The following SGCZ variants were observed in gnomAD, a reference collection of about 807,000 sequenced individuals.
SGCZ encodes zeta-sarcoglycan.
SGCZ carries 40 observed loss-of-function variants against 41.3 expected under a neutral mutation model. The ratio of observed to expected loss-of-function variants is 0.97; its 90% CI spans 0.75 to 1.26. The LOEUF is 1.26. SGCZ is among the 50% of genes most tolerant of loss of function. The pLI is 0.00. For synonymous variants in SGCZ, 206 were observed against 137.5 expected (o/e 1.50, Z -3.49); for missense variants, 552 against 369.8 (o/e 1.49, Z -4.04).
chr8:14,952,491 G>A (rs889570108), intron 1 of SGCZ, among the ~76,000 whole-genome samples: 1 of 152,050 alleles, frequency 6.6e-6, no homozygotes, highest in Admixed American at 6.6e-5. Flanking sequence ...CCATCACTAG[G>A]GAGGCATCAT....
At chr8:15,178,029 G>C (rs1307241127) in intron 1 of SGCZ, among the ~76,000 whole-genome samples, 1 of 152,026 alleles carries the variant, frequency 6.6e-6, no homozygotes, top group Non-Finnish European at 1.5e-5. Context: ...CCCATGCTTG[G>C]GGCCTAGCCT....
chr8:14,648,232 A>G (rs1046598184), intron 1 of SGCZ, among the ~76,000 whole-genome samples: 1 of 152,158 alleles, frequency 6.6e-6, no homozygotes, highest in Non-Finnish European at 1.5e-5. Context: ...TAAAACAGAT[A>G]GGGTTAGTAC....
intron 2 of SGCZ, among the ~76,000 whole-genome samples, chr8:14,458,919 T>G (rs763505564): frequency 2.0e-5 from 3 of 152,120 alleles, no homozygotes; most frequent in Non-Finnish European, 2.9e-5. Context: ...TAGGAAAATA[T>G]GAGATGAGCC....
At chr8:14,734,811 A>G (rs1419702650) in intron 1 of SGCZ, among the ~76,000 whole-genome samples, 1 of 150,444 alleles carries the variant, frequency 6.6e-6, no homozygotes, top group Non-Finnish European at 1.5e-5. Context: ...CTTCACTGTT[A>G]CAATAAAAAT....
Position 14,142,181 on chromosome 8 carries a change from G to T in SGCZ, c.547+22399C>A, listed in dbSNP as rs529041360. ...AGGGCCTGTCGAGGGGTGGAGGCAT[G>T]GGGGAGGGATAGCACTGGGAGAAGT... On this transcript the variant is annotated intron_variant, in intron 5 of 7. Transcript: ENST00000382080. Among the ~76,000 whole-genome samples, 9 of 152,290 alleles carry T rather than the reference G, an allele frequency of 5.9e-5. No homozygotes were observed. The South Asian group carries it at 1.9e-3, about 32-fold the overall frequency.
chr8:14,432,907 G>C (rs1203621413), intron 2 of SGCZ, among the ~76,000 whole-genome samples: 6 of 93,720 alleles, frequency 6.4e-5, no homozygotes, highest in African/African-American at 1.4e-4. Flanking sequence ...GAGTGAGACT[G>C]TGTCTCCAAA....
rs539730972 is a variant in SGCZ, at chr8:14,303,461, C to T, written c.336+20642G>A. On this transcript the variant is annotated intron_variant, in intron 3 of 7. Transcript: ENST00000382080. ...TGTACTATACACACATACCAACACA[C>T]AAGAGTTAGATGTTCATAGACTAGA... 5.3e-5 allele frequency among the ~76,000 whole-genome samples: 8 copies of T among 152,220 alleles called. No individual in the cohort carries two copies. In the South Asian group the frequency reaches 1.4e-3, roughly 28 times the overall value.
At chr8:14,787,474 T>G (rs1800804364) in intron 1 of SGCZ, among the ~76,000 whole-genome samples, 1 of 152,076 alleles carries the variant, frequency 6.6e-6, no homozygotes, top group East Asian at 1.9e-4. Flanking sequence ...GTTGTAAACT[T>G]TACAAAGTGC....
In SGCZ at chr8:15,038,676, G is replaced by C. The variant is rs921461568; in HGVS notation, c.39+198909C>G. 5.8e-4 allele frequency among the ~76,000 whole-genome samples: 88 copies of C among 151,814 alleles called. 2 individuals carry two copies. Among genetic ancestry groups the C allele is most frequent in the Non-Finnish European group, 1.8e-4 (12 of 67,936 alleles). ...ACGAACACAGTGATAAGACAACCCA[G>C]AGAATGGTAAGAAAAAATTGTAAAT... is the stretch of plus-strand genomic sequence containing the variant. On this transcript the variant is annotated intron_variant, in intron 1 of 7. Coordinates refer to ENST00000382080, the MANE Select transcript of SGCZ (RefSeq NM_139167.4).
intron 1 of SGCZ, among the ~76,000 whole-genome samples, chr8:15,007,536 A>G (rs1802649635): frequency 6.6e-6 from 1 of 152,226 alleles, no homozygotes; most frequent in South Asian, 2.1e-4. Flanking sequence ...ATTGACTGAC[A>G]GCGTAACTCA....
intron 2 of SGCZ, among the ~76,000 whole-genome samples, chr8:14,429,449 G>C (rs1799881480): frequency 6.6e-6 from 1 of 152,146 alleles, no homozygotes; most frequent in Non-Finnish European, 1.5e-5. Context: ...CCAGCAGCAA[G>C]GCTGGGGCAG....
intron 2 of SGCZ, among the ~76,000 whole-genome samples, chr8:14,392,589 T>C (rs1414571076): frequency 6.6e-6 from 1 of 152,180 alleles, no homozygotes; most frequent in African/African-American, 2.4e-5. Flanking sequence ...AGTCCTGCTT[T>C]GCACACTGGT....
At chr8:14,597,991 T>A (rs1805467092) in intron 1 of SGCZ, among the ~76,000 whole-genome samples, 1 of 152,206 alleles carries the variant, frequency 6.6e-6, no homozygotes, top group Non-Finnish European at 1.5e-5. Context: ...AAAATACATA[T>A]GAACAAAAAT....
chr8:14,885,892 G>A (rs1804770488), intron 1 of SGCZ, among the ~76,000 whole-genome samples: 1 of 149,314 alleles, frequency 6.7e-6, no homozygotes, highest in African/African-American at 2.5e-5. Flanking sequence ...TAAAGAAGCA[G>A]AATAAAATTC....
At chr8:14,217,319 C>G (rs1806033560) in intron 4 of SGCZ, among the ~76,000 whole-genome samples, 1 of 137,600 alleles carries the variant, frequency 7.3e-6, no homozygotes, top group South Asian at 2.3e-4. Context: ...AAAAAAAAAG[C>G]TCTATAGATA....
rs1365753176 is a variant in SGCZ at position 14,323,862 on chromosome 8, T to G, written c.336+241A>C. 4.6e-5 allele frequency among the ~76,000 whole-genome samples: 7 copies of G among 152,070 alleles called. No homozygotes were observed. In the East Asian group the frequency reaches 1.3e-3, roughly 29 times the overall value. ...TTCCAGTGAAAATAGAGAGGCACAT[T>G]TTATAGAGTAGAAAAGCTACACTGC... On this transcript the variant is annotated intron_variant, in intron 3 of 7. Transcript: ENST00000382080.
At chr8:14,636,047 C>T (rs188699710) in intron 1 of SGCZ, among the ~76,000 whole-genome samples, 39 of 151,366 alleles carry the variant, frequency 2.6e-4, no homozygotes, top group East Asian at 9.8e-4. Flanking sequence ...ATTATTTTGA[C>T]GAAACTAACC....
At chr8:14,254,298 A>C (rs1214795711) in intron 3 of SGCZ, among the ~76,000 whole-genome samples, 1 of 152,220 alleles carries the variant, frequency 6.6e-6, no homozygotes, top group African/African-American at 2.4e-5. Context: ...ATATTTTCCC[A>C]CAATACTAGC....
chr8:14,281,202 C>G (rs1251819647), intron 3 of SGCZ, among the ~76,000 whole-genome samples: 2 of 151,838 alleles, frequency 1.3e-5, no homozygotes. Flanking sequence ...GACTTAGTTT[C>G]TACTCTATAT....
Sources: gnomAD v4.1 joint callset for allele counts (sites outside exome capture counted in the v4.1 genomes callset) on GRCh38, gnomAD v4.1.1 for gene constraint, MANE v1.5 for transcripts, NCBI Gene and HGNC (gene_info 2026-07-23, HGNC 2026-07-21) for gene names.